CRPPA: variants seen among roughly 807,000 people sequenced by gnomAD.
The protein encoded by CRPPA is CDP-L-ribitol pyrophosphorylase A.
In CRPPA, 43 loss-of-function variants were observed where a neutral mutation model predicts 52.0. That is an observed-to-expected ratio of 0.83 (90% CI 0.65 to 1.07). The LOEUF (loss-of-function observed/expected upper bound fraction) is 1.07, where lower values mean the gene tolerates loss of function less well. Among genes scored for constraint, CRPPA ranks in the 50% least tolerant of loss-of-function variants. The pLI, the probability that CRPPA is intolerant of heterozygous loss-of-function variation, is 0.00. For missense variants in CRPPA, 629 were observed against 551.7 expected (o/e 1.14, Z -1.40); for synonymous variants, 250 against 203.5 (o/e 1.23, Z -1.94).
At chr7:16,339,996 T>C (rs148714860) in intron 3 of CRPPA, among the ~76,000 whole-genome samples, 10 of 152,086 alleles carry the variant, frequency 6.6e-5, no homozygotes, top group African/African-American at 1.9e-4. Context: ...AAAAACAATA[T>C]AATAAAGCAA....
At chr7:16,154,789 C>T (rs374891095) in intron 9 of CRPPA, among the ~76,000 whole-genome samples, 31 of 149,456 alleles carry the variant, frequency 2.1e-4, no homozygotes, top group African/African-American at 7.3e-4. Context: ...TGACAAATAT[C>T]GTCAATATTC....
intron 9 of CRPPA, among the ~76,000 whole-genome samples, chr7:16,182,872 C>T (rs1389097536): frequency 6.6e-6 from 1 of 152,124 alleles, no homozygotes; most frequent in Non-Finnish European, 1.5e-5. Flanking sequence ...GCGCCAATGA[C>T]GCTGAGTTGA....
chr7:16,130,592 C>T (rs1402132024), intron 9 of CRPPA, among the ~76,000 whole-genome samples: 1 of 152,128 alleles, frequency 6.6e-6, no homozygotes, highest in Non-Finnish European at 1.5e-5. Context: ...TGTCAAATTG[C>T]AGGATTTGGA....
chr7:16,360,303 C>T (rs1490280369), intron 3 of CRPPA, among the ~76,000 whole-genome samples: 2 of 152,138 alleles, frequency 1.3e-5, no homozygotes, highest in Non-Finnish European at 1.5e-5. Context: ...ATTCATTAAA[C>T]ATCCATTAGA....
chr7:16,167,075 C>A (rs1037501739), intron 9 of CRPPA, among the ~76,000 whole-genome samples: 2 of 151,924 alleles, frequency 1.3e-5, no homozygotes, highest in Non-Finnish European at 2.9e-5. Context: ...ACTACAGGGG[C>A]CTGCCACCAT....
chr7:16,368,521 A>G (rs1162466729), intron 3 of CRPPA, among the ~76,000 whole-genome samples: 1 of 152,218 alleles, frequency 6.6e-6, no homozygotes, highest in Non-Finnish European at 1.5e-5. Flanking sequence ...CATTGGCACT[A>G]GTAGCATTTT....
intron 9 of CRPPA, among the ~76,000 whole-genome samples, chr7:16,213,284 T>C (rs1056025252): frequency 6.6e-6 from 1 of 152,234 alleles, no homozygotes; most frequent in Non-Finnish European, 1.5e-5. Context: ...GTTTGCTTAA[T>C]AATGAAAAGT....
At chr7:16,248,872 T>C (rs375555322) in intron 8 of CRPPA, among the ~76,000 whole-genome samples, 2 of 152,134 alleles carry the variant, frequency 1.3e-5, no homozygotes, top group Non-Finnish European at 2.9e-5. Flanking sequence ...ATACTGTGCT[T>C]TTCCCAAGGT....
intron 9 of CRPPA, among the ~76,000 whole-genome samples, chr7:16,179,854 A>G (rs2128387335): frequency 6.6e-6 from 1 of 152,248 alleles, no homozygotes; most frequent in South Asian, 2.1e-4. Flanking sequence ...CATGATGTTC[A>G]TTTATGTCAG....
intron 9 of CRPPA, among the ~76,000 whole-genome samples, chr7:16,118,379 G>A (rs956145017): frequency 3.3e-5 from 5 of 152,148 alleles, no homozygotes; most frequent in Admixed American, 6.5e-5. Context: ...GCTCCTACAC[G>A]TGACTGCTGG....
At chr7:16,360,796 C>T (rs181880078) in intron 3 of CRPPA, among the ~76,000 whole-genome samples, 7 of 152,152 alleles carry the variant, frequency 4.6e-5, no homozygotes, top group African/African-American at 1.7e-4. Flanking sequence ...AACATTGGGG[C>T]AAAATCTTCA....
chr7:16,143,803 G>C (rs1470795994), intron 9 of CRPPA, among the ~76,000 whole-genome samples: 1 of 152,162 alleles, frequency 6.6e-6, no homozygotes, highest in African/African-American at 2.4e-5. Context: ...ATCTGGAAAA[G>C]TATGGCAGTT....
intron 2 of CRPPA, among the ~76,000 whole-genome samples, chr7:16,399,955 CAT>C: frequency 6.6e-6 from 1 of 152,232 alleles, no homozygotes; most frequent in East Asian, 1.9e-4. Flanking sequence ...ACGTGACTGA[CAT>C]GGCTTACATG....
chr7:16,237,101 T>G (rs1027904824), intron 8 of CRPPA, among the ~76,000 whole-genome samples: 1 of 152,174 alleles, frequency 6.6e-6, no homozygotes, highest in Non-Finnish European at 1.5e-5. Context: ...CTTACTATCA[T>G]TCGCCAAGTT....
chr7:16,219,201 A>G (rs1782428606), intron 8 of CRPPA, among the ~76,000 whole-genome samples: 1 of 152,062 alleles, frequency 6.6e-6, no homozygotes, highest in Non-Finnish European at 1.5e-5. Flanking sequence ...TACTGGATAC[A>G]TAACGAAATG....
intron 2 of CRPPA, among the ~76,000 whole-genome samples, chr7:16,389,554 AC>A (rs908239238): frequency 6.6e-6 from 1 of 151,940 alleles, no homozygotes; most frequent in East Asian, 1.9e-4. Context: ...AAAATCCAAC[AC>A]CCCTTTGTGA....
intron 9 of CRPPA, among the ~76,000 whole-genome samples, chr7:16,194,727 A>G (rs1472233356): frequency 1.3e-5 from 2 of 152,172 alleles, no homozygotes; most frequent in African/African-American, 4.8e-5. Flanking sequence ...GATGGAAGGT[A>G]ATGAAGACAA....
chr7:16,327,142 A>C (rs1390433096), intron 3 of CRPPA, among the ~76,000 whole-genome samples: 2 of 152,146 alleles, frequency 1.3e-5, no homozygotes, highest in African/African-American at 4.8e-5. Context: ...TCAAACAAAC[A>C]GTTCTTTTGC....
intron 5 of CRPPA, among the ~76,000 whole-genome samples, chr7:16,283,826 T>A (rs903159153): frequency 6.6e-6 from 1 of 151,944 alleles, no homozygotes; most frequent in African/African-American, 2.4e-5. Flanking sequence ...AATTAAGCAA[T>A]CTCTAACATT....
Sources: allele counts gnomAD v4.1 joint callset (sites outside exome capture counted in the v4.1 genomes callset), GRCh38; gene constraint gnomAD v4.1.1; transcripts MANE v1.5; gene names NCBI Gene and HGNC (gene_info 2026-07-23, HGNC 2026-07-21).